Variants in ASIC2 observed in about 807,000 individuals in gnomAD.
ASIC2 encodes acid sensing ion channel subunit 2.
In ASIC2, 25 loss-of-function variants were observed where a neutral mutation model predicts 57.3. The observed-to-expected ratio is 0.44, with a 90% CI of 0.32 to 0.61. The LOEUF (loss-of-function observed/expected upper bound fraction) is 0.61. Ranked by LOEUF, ASIC2 falls within the 20% of genes least tolerant of loss-of-function variation. The pLI, the probability that ASIC2 is intolerant of heterozygous loss-of-function variation, is 0.06. For synonymous variants in ASIC2, 319 were observed against 307.5 expected (o/e 1.04, Z -0.39); for missense variants, 641 against 738.1 (o/e 0.87, Z 1.52).
At chr17:33,868,492 A>T (rs1003425353) in intron 1 of ASIC2, among the ~76,000 whole-genome samples, 1 of 46,268 alleles carries the variant, frequency 2.2e-5, no homozygotes, top group Non-Finnish European at 4.0e-5. Flanking sequence ...AGCTAAAAAT[A>T]TAAAACTATT....
At chr17:34,082,387 G>A (rs555005457) in intron 1 of ASIC2, among the ~76,000 whole-genome samples, 6 of 152,220 alleles carry the variant, frequency 3.9e-5, no homozygotes, top group Middle Eastern at 6.8e-3. Context: ...TTGTATTCTA[G>A]TATTACCATC....
chr17:33,667,299 A>G (rs927122754), intron 1 of ASIC2, among the ~76,000 whole-genome samples: 2 of 152,142 alleles, frequency 1.3e-5, no homozygotes, highest in African/African-American at 2.4e-5. Context: ...GCAGTATGGG[A>G]GGGCAGGAGG....
intron 1 of ASIC2, among the ~76,000 whole-genome samples, chr17:33,432,009 G>A (rs920987744): frequency 6.6e-6 from 1 of 152,156 alleles, no homozygotes; most frequent in Non-Finnish European, 1.5e-5. Flanking sequence ...GCAAGAATGA[G>A]AAACAAAAGA....
chr17:33,631,565 G>T (rs1364326642), intron 1 of ASIC2, among the ~76,000 whole-genome samples: 1 of 152,140 alleles, frequency 6.6e-6, no homozygotes, highest in Non-Finnish European at 1.5e-5. Flanking sequence ...ACTGCAAAAT[G>T]TTGCCGGGAA....
At chr17:33,848,363 C>T (rs892407030) in intron 1 of ASIC2, among the ~76,000 whole-genome samples, 1 of 152,126 alleles carries the variant, frequency 6.6e-6, no homozygotes, top group African/African-American at 2.4e-5. Flanking sequence ...AGGTCTTATA[C>T]CTCCTCTTCC....
intron 1 of ASIC2, among the ~76,000 whole-genome samples, chr17:33,787,721 C>A (rs138410096): frequency 6.6e-6 from 1 of 152,256 alleles, no homozygotes; most frequent in African/African-American, 2.4e-5. Flanking sequence ...ACAAGAGGAG[C>A]TCCACTGAGC....
intron 1 of ASIC2, among the ~76,000 whole-genome samples, chr17:33,142,959 C>G (rs1026370909): frequency 6.6e-6 from 1 of 152,156 alleles, no homozygotes; most frequent in Admixed American, 6.5e-5. Flanking sequence ...AACACTGAAT[C>G]ATGGATGTTT....
At chr17:33,845,132 G>T (rs1285203361) in intron 1 of ASIC2, among the ~76,000 whole-genome samples, 5 of 152,222 alleles carry the variant, frequency 3.3e-5, no homozygotes, top group Admixed American at 2.6e-4. Flanking sequence ...AAATTCCGGA[G>T]TTACAGAATT....
intron 1 of ASIC2, among the ~76,000 whole-genome samples, chr17:33,373,598 T>C (rs1909166583): frequency 6.6e-6 from 1 of 152,220 alleles, no homozygotes. Flanking sequence ...TCAGGAGTCA[T>C]GTGGCTAGAG....
intron 1 of ASIC2, among the ~76,000 whole-genome samples, chr17:33,773,127 T>A (rs1194058290): frequency 6.6e-6 from 1 of 152,218 alleles, no homozygotes; most frequent in Non-Finnish European, 1.5e-5. Flanking sequence ...TGCTTTTTGT[T>A]GAATAACTTC....
At chr17:33,883,210 G>C (rs953861500) in intron 1 of ASIC2, among the ~76,000 whole-genome samples, 1 of 152,030 alleles carries the variant, frequency 6.6e-6, no homozygotes, top group African/African-American at 2.4e-5. Flanking sequence ...AAACCTGCAC[G>C]TTGTGCACAT....
rs568817159 is a variant in ASIC2, at chr17:33,018,261, G to A, written c.1442-577C>T. On this transcript the variant is annotated intron_variant, in intron 7 of 9. Coordinates refer to ENST00000225823, the MANE Select transcript of ASIC2 (RefSeq NM_183377.2). The stretch of plus-strand genomic sequence containing the variant: ...GGTTTATAGGCCCCCATTATTCAAA[G>A]TTTTCTGGATTTGTCTTCAGATACC... Among the ~76,000 whole-genome samples the A allele has an allele frequency of 5.9e-5, 9 of 152,288 alleles. No individual in the cohort carries two copies. The South Asian group carries it at 1.2e-3, about 21-fold the overall frequency.
intron 1 of ASIC2, among the ~76,000 whole-genome samples, chr17:33,316,771 A>G (rs1198997186): frequency 6.6e-6 from 1 of 152,250 alleles, no homozygotes; most frequent in Non-Finnish European, 1.5e-5. Flanking sequence ...ACAGCAATTC[A>G]CGGTATAAAA....
chr17:33,433,610 C>T (rs563355419), intron 1 of ASIC2, among the ~76,000 whole-genome samples: 6,848 of 152,032 alleles, frequency 0.045, 499 homozygotes, highest in African/African-American at 0.16. Flanking sequence ...ATTAGTGGGG[C>T]GTGGTGGTGT....
At chr17:33,905,141 CTTTTTTT>C (rs57064859) in intron 1 of ASIC2, among the ~76,000 whole-genome samples, 5 of 87,888 alleles carry the variant, frequency 5.7e-5, no homozygotes, top group African/African-American at 1.8e-4. Flanking sequence ...TAGTTTAAGG[CTTTTTTT>C]TTTTTTTTTT....
Position 33,916,495 on chromosome 17 carries a change from T to A in ASIC2, c.555+239483A>T, listed in dbSNP as rs192929174. ...ACCTGATGACATCCCTATTTGCTAGTCTTTTCAATTTAACTCAGTCTTTTA... is the reference window on the plus strand; with the variant it reads ...ACCTGATGACATCCCTATTTGCTAGACTTTTCAATTTAACTCAGTCTTTTA... On this transcript the variant is annotated intron_variant, in intron 1 of 9. Transcript: ENST00000359872. 4.5e-4 allele frequency among the ~76,000 whole-genome samples: 69 copies of A among 152,306 alleles called. 1 individual carries two copies. The East Asian group carries it at 0.012, about 26-fold the overall frequency.
At chr17:33,406,816 C>T (rs917337517) in intron 1 of ASIC2, among the ~76,000 whole-genome samples, 8 of 152,160 alleles carry the variant, frequency 5.3e-5, no homozygotes, top group Middle Eastern at 3.4e-3. Context: ...ATAATGAGAG[C>T]CTAGAGAATT....
At chr17:33,553,862 T>C (rs563259747) in intron 1 of ASIC2, among the ~76,000 whole-genome samples, 44 of 152,340 alleles carry the variant, frequency 2.9e-4, no homozygotes, top group Admixed American at 2.7e-3. Flanking sequence ...GAGGCTTAAA[T>C]GACTGTATGA....
chr17:33,533,688 A>G (rs752390614), intron 1 of ASIC2: 3 of 152,234 alleles, frequency 2.0e-5, no homozygotes, highest in Non-Finnish European at 4.4e-5. Context: ...GGAATCACCA[A>G]TGTCTTCTTT....
Sources: allele counts gnomAD v4.1 joint callset (sites outside exome capture counted in the v4.1 genomes callset), GRCh38; gene constraint gnomAD v4.1.1; transcripts MANE v1.5; gene names NCBI Gene and HGNC (gene_info 2026-07-23, HGNC 2026-07-21).